The following BICRAL variants were observed in gnomAD, a reference collection of about 807,000 sequenced individuals.
The protein encoded by BICRAL is BRD4-interacting chromatin-remodeling complex-associated protein-like.
Under a neutral mutation model 91.8 loss-of-function variants are expected in BICRAL, and 8 were observed. The ratio of observed to expected loss-of-function variants is 0.09; its 90% CI spans 0.05 to 0.16. BICRAL has a LOEUF of 0.16. BICRAL is among the 10% of genes least tolerant of loss of function. BICRAL has a pLI of 1.00. For missense variants in BICRAL, 1,038 were observed against 1,310.9 expected (o/e 0.79, Z 3.21); for synonymous variants, 445 against 491.1 (o/e 0.91, Z 1.24).
chr6:42,867,987 G>A lies in BICRAL; in HGVS notation c.*2541G>A, dbSNP rs554067673. The A allele has an allele frequency of 1.3e-5, 2 of 152,592 alleles. No homozygotes were observed. Among genetic ancestry groups the A allele is most frequent in the Admixed American group, 6.5e-5 (1 of 15,284 alleles). The allele number at this position is 152,592 out of a possible 1,614,324, so 9.5% of individuals were successfully genotyped here. A position where few individuals can be genotyped will look rare whatever the true frequency, so the allele number is the denominator to read the frequency against. On this transcript the variant is annotated 3_prime_UTR_variant, in exon 13 of 13. Coordinates refer to ENST00000314073, the MANE Select transcript of BICRAL (RefSeq NM_001393499.1). ...GTGAAGGGTAGGAGAGCTCAGCCTCGGATGGCCAACATTCAGTTGTTCAGG... is the reference window on the plus strand; with the variant it reads ...GTGAAGGGTAGGAGAGCTCAGCCTCAGATGGCCAACATTCAGTTGTTCAGG...
chr6:42,766,366 T>C (rs1297532959), intron 1 of BICRAL, among the ~76,000 whole-genome samples: 1 of 152,176 alleles, frequency 6.6e-6, no homozygotes, highest in Non-Finnish European at 1.5e-5. Context: ...TCTACCTTCA[T>C]GTGTAGATGC....
intron 2 of BICRAL, among the ~76,000 whole-genome samples, chr6:42,813,801 G>A (rs370745961): frequency 4.6e-5 from 7 of 152,090 alleles, no homozygotes; most frequent in East Asian, 3.9e-4. Context: ...GATTACAGGC[G>A]TGAGCCACCG....
chr6:42,823,057 C>T (rs1764190002), intron 5 of BICRAL, 54 bp downstream of exon 5: 1 of 1,020,856 alleles, frequency 9.8e-7, no homozygotes, highest in Admixed American at 1.7e-5. Flanking sequence ...TGATTGATGC[C>T]TTGTGAACTG....
At chr6:42,826,946 C>T (rs1015803702) in intron 5 of BICRAL, among the ~76,000 whole-genome samples, 3 of 152,110 alleles carry the variant, frequency 2.0e-5, no homozygotes, top group African/African-American at 7.2e-5. Context: ...GCCACCACCC[C>T]CAGCTAATTT....
At chr6:42,831,253 C>T (rs1196279716) in intron 6 of BICRAL, among the ~76,000 whole-genome samples, 2 of 152,152 alleles carry the variant, frequency 1.3e-5, no homozygotes, top group Non-Finnish European at 2.9e-5. Context: ...GCTATTAGGA[C>T]ATGTGACTGT....
At chr6:42,825,269 A>G (rs1028637068) in intron 5 of BICRAL, among the ~76,000 whole-genome samples, 4 of 147,684 alleles carry the variant, frequency 2.7e-5, no homozygotes, top group Non-Finnish European at 6.0e-5. Flanking sequence ...CAAAAAAAAA[A>G]AAAAAAAAAA....
At chr6:42,772,141 C>T (rs1429267437) in intron 1 of BICRAL, among the ~76,000 whole-genome samples, 3 of 152,046 alleles carry the variant, frequency 2.0e-5, no homozygotes, top group East Asian at 3.8e-4. Flanking sequence ...AAGTCCTTTA[C>T]CAAGTGCCTA....
intron 1 of BICRAL, among the ~76,000 whole-genome samples, chr6:42,772,019 T>G (rs1349141082): frequency 6.6e-6 from 1 of 152,024 alleles, no homozygotes; most frequent in Non-Finnish European, 1.5e-5. Flanking sequence ...AACAAATCAT[T>G]ATTGTAAAGT....
chr6:42,777,426 G>C (rs890932373), upstream of BICRAL, among the ~76,000 whole-genome samples: 1 of 152,150 alleles, frequency 6.6e-6, no homozygotes, highest in African/African-American at 2.4e-5. Flanking sequence ...TACAGAGCCA[G>C]TACACTTAAA....
intron 6 of BICRAL, among the ~76,000 whole-genome samples, chr6:42,837,973 A>G (rs1400602738): frequency 2.0e-5 from 3 of 152,172 alleles, no homozygotes; most frequent in Non-Finnish European, 4.4e-5. Context: ...ACGTGGTATC[A>G]CCAGTCATTT....
chr6:42,769,486 G>A (rs1762687644), intron 1 of BICRAL, among the ~76,000 whole-genome samples: 1 of 152,184 alleles, frequency 6.6e-6, no homozygotes, highest in African/African-American at 2.4e-5. Context: ...AGGAGGTGAG[G>A]CTTGCTAGGG....
intron 6 of BICRAL, among the ~76,000 whole-genome samples, chr6:42,846,078 A>T (rs1257839598): frequency 6.6e-6 from 1 of 150,578 alleles, no homozygotes; most frequent in Non-Finnish European, 1.5e-5. Flanking sequence ...AAAAAAAAAA[A>T]AAGTTATAGA....
chr6:42,849,577 CTA>C (rs1765115487), intron 6 of BICRAL, among the ~76,000 whole-genome samples: 1 of 151,660 alleles, frequency 6.6e-6, no homozygotes, highest in African/African-American at 2.4e-5. Flanking sequence ...GTAGCTGGGG[CTA>C]TAGGTGCCCA....
At chr6:42,801,806 C>T (rs1763580162) in intron 1 of BICRAL, among the ~76,000 whole-genome samples, 1 of 151,930 alleles carries the variant, frequency 6.6e-6, no homozygotes, top group Admixed American at 6.6e-5. Flanking sequence ...CTGCTTGAAC[C>T]CAGGAGGCCA....
In BICRAL at chr6:42,863,487, A is replaced by G. The variant is rs543847719; in HGVS notation, c.2452+875A>G. On this transcript the variant is annotated intron_variant, in intron 12 of 12. Transcript: ENST00000314073. ...TGGCTATTCATTTTGTGGTCTTGGG[A>G]AAGTGATGCCAGGTTTCTCCTGTGT... Among the ~76,000 whole-genome samples, 4 of 152,250 alleles carry G rather than the reference A, an allele frequency of 2.6e-5. No individual in the cohort carries two copies. The South Asian group carries it at 8.3e-4, about 32-fold the overall frequency.
intron 5 of BICRAL, among the ~76,000 whole-genome samples, chr6:42,827,617 C>T (rs1011597253): frequency 1.3e-5 from 2 of 152,236 alleles, no homozygotes; most frequent in South Asian, 2.1e-4. Flanking sequence ...CGGTGCCTCA[C>T]GCCTGTAATC....
chr6:42,829,593 A>C lies in BICRAL; in HGVS notation c.1260A>C (p.Ile420=). The stretch of plus-strand genomic sequence containing the variant: ...ACTCGGTACACCACGTCCAGACTAT[A>C]AATGGGCAACTTCTTCAAACTCAAC... ...SSNSVHHVQT[I]NGQLLQTQPS... The change falls in exon 6 of 13, where the codon ATA becomes ATC. Residue 420 remains isoleucine, a synonymous_variant. Transcript: ENST00000314073. 1 of 1,614,192 alleles carries C rather than the reference A, an allele frequency of 6.2e-7. No individual in the cohort carries two copies. Among genetic ancestry groups the C allele is most frequent in the Non-Finnish European group, 8.5e-7 (1 of 1,180,012 alleles).
intron 1 of BICRAL, among the ~76,000 whole-genome samples, chr6:42,785,188 C>T (rs1474153896): frequency 6.6e-6 from 1 of 151,980 alleles, no homozygotes; most frequent in Non-Finnish European, 1.5e-5. Context: ...TTGTCTCATT[C>T]TATTGAGAAG....
intron 6 of BICRAL, among the ~76,000 whole-genome samples, chr6:42,838,425 A>G (rs1764699725): frequency 6.6e-6 from 1 of 152,122 alleles, no homozygotes; most frequent in Non-Finnish European, 1.5e-5. Flanking sequence ...ATTCGTGGTG[A>G]TGCTGAGTGT....
Sources: allele counts gnomAD v4.1 joint callset (sites outside exome capture counted in the v4.1 genomes callset), GRCh38; gene constraint gnomAD v4.1.1; transcripts MANE v1.5; gene names NCBI Gene and HGNC (gene_info 2026-07-23, HGNC 2026-07-21).